The following ITGA8 variants were observed in gnomAD, a reference collection of about 807,000 sequenced individuals.
The protein encoded by ITGA8 is integrin alpha-8.
In ITGA8, 91 loss-of-function variants were observed where a neutral mutation model predicts 142.3. The ratio of observed to expected loss-of-function variants is 0.64; its 90% CI spans 0.54 to 0.76. ITGA8 has a LOEUF of 0.76. Ranked by LOEUF, ITGA8 falls within the 30% of genes least tolerant of loss-of-function variation. ITGA8 has a pLI of 0.00. For synonymous variants in ITGA8, 505 were observed against 485.2 expected (o/e 1.04, Z -0.54); for missense variants, 1,406 against 1,327.7 (o/e 1.06, Z -0.92).
At chr10:15,637,743 C>G (rs1045462335) in intron 13 of ITGA8, among the ~76,000 whole-genome samples, 7 of 151,974 alleles carry the variant, frequency 4.6e-5, no homozygotes, top group African/African-American at 1.7e-4. Context: ...AACTCCTGCC[C>G]TGGCCTGCCA....
intron 28 of ITGA8, among the ~76,000 whole-genome samples, chr10:15,529,905 A>G (rs1260060926): frequency 3.9e-5 from 6 of 152,244 alleles, no homozygotes; most frequent in African/African-American, 1.2e-4. Flanking sequence ...CTGTTTCTGT[A>G]GTTCTAAGAA....
intron 20 of ITGA8, among the ~76,000 whole-genome samples, chr10:15,600,014 A>G (rs1419746933): frequency 1.3e-5 from 2 of 152,276 alleles, no homozygotes; most frequent in Non-Finnish European, 2.9e-5. Context: ...ATAGCTGTAT[A>G]ACCTTGCGCA....
chr10:15,718,998 CG>C, intron 1 of ITGA8, 99 bp from the exon 2 acceptor site: 1 of 1,534,806 alleles, frequency 6.5e-7, no homozygotes, highest in South Asian at 1.2e-5. Context: ...CTGGGGCAGG[CG>C]TGGAGGGCAT....
chr10:15,645,092 CA>C (rs1168510743), intron 12 of ITGA8, among the ~76,000 whole-genome samples: 1,624 of 46,734 alleles, frequency 0.035, 1 homozygote, highest in East Asian at 0.067. Context: ...GACTCTGTCT[CA>C]AAAAAAAAAA....
At chr10:15,662,699 T>A (rs1308900872) in intron 8 of ITGA8, among the ~76,000 whole-genome samples, 1 of 152,192 alleles carries the variant, frequency 6.6e-6, no homozygotes, top group Non-Finnish European at 1.5e-5. Flanking sequence ...TAGGAACACA[T>A]GACTTGAGTA....
chr10:15,649,660 C>T (rs1588698218), intron 11 of ITGA8, among the ~76,000 whole-genome samples: 1 of 150,780 alleles, frequency 6.6e-6, no homozygotes, highest in South Asian at 2.1e-4. Context: ...ATGGACACCT[C>T]ATCAAAAAAG....
chr10:15,577,066 C>T (rs1834312830), intron 23 of ITGA8, among the ~76,000 whole-genome samples: 1 of 152,174 alleles, frequency 6.6e-6, no homozygotes, highest in Admixed American at 6.5e-5. Flanking sequence ...AAACCCAAAG[C>T]TGGCGTTTGC....
At chr10:15,698,663 C>T (rs945980296) in intron 2 of ITGA8, among the ~76,000 whole-genome samples, 5 of 152,026 alleles carry the variant, frequency 3.3e-5, no homozygotes, top group African/African-American at 7.2e-5. Context: ...TGATCATTAG[C>T]GATGTTGAAC....
At chr10:15,601,561 T>G (rs1160859786) in intron 20 of ITGA8, among the ~76,000 whole-genome samples, 1 of 152,150 alleles carries the variant, frequency 6.6e-6, no homozygotes, top group African/African-American at 2.4e-5. Context: ...ATGGCTAAAA[T>G]GATAAATTAT....
At chr10:15,523,600 T>C (rs1197651688) in intron 28 of ITGA8, among the ~76,000 whole-genome samples, 1 of 152,010 alleles carries the variant, frequency 6.6e-6, no homozygotes, top group East Asian at 1.9e-4. Context: ...TCCAGTAACA[T>C]TAAGTTTGTT....
rs546602153 is a variant in ITGA8 at position 15,548,199 on chromosome 10, C to A, written c.2880+256G>T. On this transcript the variant is annotated intron_variant, in intron 27 of 29. Transcript: ENST00000378076. ...CTCTATCTCCTGGGTTCAAGGGATTCTCATGCCTCAGTCTCCCAAGTAGCT... is the reference window on the plus strand; with the variant it reads ...CTCTATCTCCTGGGTTCAAGGGATTATCATGCCTCAGTCTCCCAAGTAGCT... 2.0e-5 allele frequency among the ~76,000 whole-genome samples: 3 copies of A among 151,858 alleles called. No homozygotes were observed. The South Asian group carries it at 6.2e-4, about 32-fold the overall frequency.
chr10:15,560,457 C>T lies in ITGA8; in HGVS notation c.2638-2255G>A, dbSNP rs188076559. ...TGTTGTTCTTATAGTAAATTCCCTA[C>T]GGCTGAGAGACAAGATGAGCCTTGT... On this transcript the variant is annotated intron_variant, in intron 25 of 29. Transcript: ENST00000378076. 4.4e-4 allele frequency among the ~76,000 whole-genome samples: 67 copies of T among 152,170 alleles called. No homozygotes were observed. The East Asian group carries it at 9.7e-3, about 22-fold the overall frequency.
intron 2 of ITGA8, among the ~76,000 whole-genome samples, chr10:15,695,766 A>G (rs939259900): frequency 1.3e-5 from 2 of 152,224 alleles, no homozygotes; most frequent in African/African-American, 4.8e-5. Flanking sequence ...GAACAGGGAA[A>G]GAAAGAGAAG....
intron 2 of ITGA8, among the ~76,000 whole-genome samples, chr10:15,707,106 G>T (rs1489359721): frequency 6.6e-6 from 1 of 152,072 alleles, no homozygotes; most frequent in East Asian, 1.9e-4. Context: ...ACCACCTGTG[G>T]TACAAAAAAT....
chr10:15,621,545 T>G (rs1053399205), intron 13 of ITGA8, among the ~76,000 whole-genome samples: 1 of 152,098 alleles, frequency 6.6e-6, no homozygotes, highest in Non-Finnish European at 1.5e-5. Flanking sequence ...GGAAAGAAAT[T>G]TTAGTGTTGG....
At chr10:15,688,561 G>A (rs1232701430) in intron 2 of ITGA8, among the ~76,000 whole-genome samples, 1 of 152,096 alleles carries the variant, frequency 6.6e-6, no homozygotes, top group Non-Finnish European at 1.5e-5. Flanking sequence ...GAAAATTACA[G>A]GCTAATATCC....
At chr10:15,595,344 A>G (rs1832994728) in intron 21 of ITGA8, among the ~76,000 whole-genome samples, 1 of 152,246 alleles carries the variant, frequency 6.6e-6, no homozygotes, top group Non-Finnish European at 1.5e-5. Flanking sequence ...TGTAGAGTAC[A>G]AAATGAAGAA....
chr10:15,679,904 T>C lies in ITGA8; in HGVS notation c.569-1121A>G, dbSNP rs1015823354. Among the ~76,000 whole-genome samples, 6 of 152,324 alleles carry C rather than the reference T, an allele frequency of 3.9e-5. No homozygotes were observed. The East Asian group carries it at 7.7e-4, about 20-fold the overall frequency. ...AAAAGAGTTTCTACAACTTCTAACA[T>C]GCCTAAAATAGCCAAAATGTAGTGA... On this transcript the variant is annotated intron_variant, in intron 4 of 29. Coordinates refer to ENST00000378076, the MANE Select transcript of ITGA8 (RefSeq NM_003638.3).
intron 23 of ITGA8, among the ~76,000 whole-genome samples, chr10:15,579,804 A>T (rs1834369969): frequency 6.6e-6 from 1 of 152,026 alleles, no homozygotes; most frequent in Non-Finnish European, 1.5e-5. Flanking sequence ...AGAAATCACA[A>T]AGAAAACTAG....
Sources: allele counts gnomAD v4.1 joint callset (sites outside exome capture counted in the v4.1 genomes callset), GRCh38; gene constraint gnomAD v4.1.1; transcripts MANE v1.5; gene names NCBI Gene and HGNC (gene_info 2026-07-23, HGNC 2026-07-21).